KIAA2012: variants seen among roughly 807,000 people sequenced by gnomAD.
KIAA2012 encodes the protein uncharacterized protein KIAA2012.
KIAA2012 carries 125 observed loss-of-function variants against 150.6 expected under a neutral mutation model. The ratio of observed to expected loss-of-function variants is 0.83; its 90% CI spans 0.72 to 0.96. KIAA2012 has a LOEUF of 0.96. Among genes scored for constraint, KIAA2012 ranks in the 40% least tolerant of loss-of-function variants. The pLI is 0.00. For missense variants in KIAA2012, 1,219 were observed against 1,354.9 expected, an observed-to-expected ratio of 0.90 and a Z score of 1.57; for synonymous variants, 462 against 504.7, an observed-to-expected ratio of 0.92 and a Z score of 1.13.
At chr2:202,093,416 T>C (rs948154730) in intron 4 of KIAA2012, among the ~76,000 whole-genome samples, 1 of 152,232 alleles carries the variant, frequency 6.6e-6, no homozygotes, top group African/African-American at 2.4e-5. Context: ...CATGTGGCTA[T>C]TGAGCATTTG....
At chr2:202,192,696 A>G (rs1343006979) in intron 19 of KIAA2012, among the ~76,000 whole-genome samples, 1 of 152,080 alleles carries the variant, frequency 6.6e-6, no homozygotes, top group Non-Finnish European at 1.5e-5. Flanking sequence ...ACCTCAGGTG[A>G]TCTACCCACC....
chr2:202,111,340 C>CAAAAAAAA (rs67625607), intron 10 of KIAA2012, among the ~76,000 whole-genome samples: 2 of 83,820 alleles, frequency 2.4e-5, no homozygotes, highest in Admixed American at 1.4e-4. Flanking sequence ...ACTAAAAATA[C>CAAAAAAAA]AAAAAAAAAA....
chr2:202,172,102 C>T (rs1453009296), intron 15 of KIAA2012, among the ~76,000 whole-genome samples: 1 of 152,214 alleles, frequency 6.6e-6, no homozygotes, highest in African/African-American at 2.4e-5. Flanking sequence ...GGATTACAGG[C>T]GTGAGCCACC....
intron 2 of KIAA2012, among the ~76,000 whole-genome samples, chr2:202,089,274 G>A (rs1689658081): frequency 6.6e-6 from 1 of 152,326 alleles, no homozygotes. Flanking sequence ...GTTCAAGCCT[G>A]TTGAGTCAGG....
At chr2:202,132,700 A>ATATATATAG (rs1553556752) in intron 12 of KIAA2012, among the ~76,000 whole-genome samples, 3 of 99,266 alleles carry the variant, frequency 3.0e-5, no homozygotes, top group African/African-American at 4.0e-5. Context: ...ATGTATGTAT[A>ATATATATAG]TATATATGTA....
At chr2:202,201,371 C>CT (rs1692521229) in intron 22 of KIAA2012, 1 of 1,584,744 alleles carries the variant, frequency 6.3e-7, no homozygotes. Flanking sequence ...CAAAGGTGGC[C>CT]TTGGTTCCTC....
Position 202,090,757 on chromosome 2 carries a change from G to T in KIAA2012, c.370-13G>T. The stretch of plus-strand genomic sequence containing the variant: ...TCAGCAGCTGTGCTGTTTCCTGACT[G>T]GTGTCCCCACAGGGAGAGCAGGACA... On this transcript the variant is annotated splice_polypyrimidine_tract_variant and intron_variant, in intron 2 of 23. Transcript: ENST00000498697. 6.5e-7 allele frequency: 1 copy of T among 1,541,808 alleles called. No homozygotes were observed. The highest frequency in any genetic ancestry group is 8.8e-7 in the Non-Finnish European group (1 of 1,140,628).
chr2:202,085,804 C>T (rs978889755), intron 2 of KIAA2012, among the ~76,000 whole-genome samples: 1 of 152,158 alleles, frequency 6.6e-6, no homozygotes, highest in African/African-American at 2.4e-5. Context: ...TTCCCTAACT[C>T]TTCTTGGCAA....
intron 15 of KIAA2012, chr2:202,179,266 A>T (rs146288480): frequency 9.3e-7 from 1 of 1,073,570 alleles, no homozygotes; most frequent in Non-Finnish European, 1.4e-6. Context: ...AAAACTGTAC[A>T]TACTTGTGCT....
At chr2:202,095,827 T>C (rs1412912334) in intron 4 of KIAA2012, among the ~76,000 whole-genome samples, 2 of 152,186 alleles carry the variant, frequency 1.3e-5, no homozygotes, top group African/African-American at 4.8e-5. Context: ...CTCATGACTG[T>C]AATCCCAACA....
At position 202,075,149 on chromosome 2, in the gene KIAA2012, G is replaced by A. The variant is rs1377062812; in HGVS notation, c.343G>A (p.Ala115Thr). Residue 115 changes from alanine to threonine, a missense_variant, in exon 2 of 24, where the codon GCC becomes ACC. By Grantham distance (58) the Ala-to-Thr change is moderately conservative. Transcript: ENST00000498697. Reference protein sequence around the residue: ...ELHTLQDLKEAILAYGRQQGE... With the variant: ...ELHTLQDLKETILAYGRQQGE... ...GCACACACTTCAAGACCTCAAAGAAGCCATCCTGGCATATGGAAGGCAGCA... is the reference window on the plus strand; with the variant it reads ...GCACACACTTCAAGACCTCAAAGAAACCATCCTGGCATATGGAAGGCAGCA... The A allele has an allele frequency of 3.9e-6, 6 of 1,548,232 alleles. No individual in the cohort carries two copies. In the East Asian group the frequency reaches 1.2e-4, roughly 32 times the overall value.
intron 2 of KIAA2012, among the ~76,000 whole-genome samples, chr2:202,084,960 C>T (rs1282197059): frequency 6.6e-6 from 1 of 152,088 alleles, no homozygotes; most frequent in Non-Finnish European, 1.5e-5. Context: ...ACAGGATATG[C>T]TTGTATGAGG....
intron 12 of KIAA2012, among the ~76,000 whole-genome samples, chr2:202,131,120 A>G (rs1044436515): frequency 6.6e-6 from 1 of 152,144 alleles, no homozygotes; most frequent in Non-Finnish European, 1.5e-5. Flanking sequence ...GTTCAACAGA[A>G]AGAATCTGTG....
intron 15 of KIAA2012, chr2:202,180,021 C>T: frequency 2.1e-6 from 1 of 485,702 alleles, no homozygotes. Flanking sequence ...CCTGTAATCT[C>T]AGCACTTTGG....
intron 15 of KIAA2012, among the ~76,000 whole-genome samples, chr2:202,175,518 C>T (rs1014603337): frequency 2.6e-5 from 4 of 152,210 alleles, no homozygotes; most frequent in African/African-American, 9.7e-5. Context: ...GCAGAGCCCT[C>T]ATAAATGAGA....
chr2:202,167,482 G>A (rs1214978836), intron 15 of KIAA2012, among the ~76,000 whole-genome samples: 1 of 152,176 alleles, frequency 6.6e-6, no homozygotes, highest in Non-Finnish European at 1.5e-5. Context: ...TTTCCAGTAT[G>A]TATTTCCCTG....
At chr2:202,116,079 A>G (rs966693324) in intron 11 of KIAA2012, 1 of 152,192 alleles carries the variant, frequency 6.6e-6, no homozygotes, top group African/African-American at 2.4e-5. Context: ...CCTTGATTCA[A>G]ATCCTTCATC....
intron 11 of KIAA2012, among the ~76,000 whole-genome samples, chr2:202,122,182 T>G (rs1049209758): frequency 3.3e-5 from 5 of 152,210 alleles, no homozygotes; most frequent in African/African-American, 9.7e-5. Flanking sequence ...TGCTGCTGTT[T>G]AGGCAACAAG....
intron 7 of KIAA2012, among the ~76,000 whole-genome samples, chr2:202,101,508 G>C (rs1690043279): frequency 6.6e-6 from 1 of 152,240 alleles, no homozygotes. Context: ...GAGGAAAGGA[G>C]TCCCTTCCCT....
Sources: allele counts gnomAD v4.1 joint callset (sites outside exome capture counted in the v4.1 genomes callset), GRCh38; gene constraint gnomAD v4.1.1; transcripts MANE v1.5; gene names NCBI Gene and HGNC (gene_info 2026-07-23, HGNC 2026-07-21).